The following ITPR1 variants were observed in gnomAD, a reference collection of about 807,000 sequenced individuals.
ITPR1 encodes inositol 1,4,5-trisphosphate receptor type 1, also known as inositol 1,4,5-trisphosphate-gated calcium channel ITPR1.
In ITPR1, 96 loss-of-function variants were observed where a neutral mutation model predicts 318.4. The observed-to-expected ratio is 0.30, with a 90% CI of 0.26 to 0.36. The LOEUF (loss-of-function observed/expected upper bound fraction) is 0.36. Ranked by LOEUF, ITPR1 falls within the 10% of genes least tolerant of loss-of-function variation. ITPR1 has a pLI of 1.00. For missense variants in ITPR1, 2,440 were observed against 3,460.2 expected, an observed-to-expected ratio of 0.71 and a Z score of 7.40; for synonymous variants, 1,312 against 1,289.9, an observed-to-expected ratio of 1.02 and a Z score of -0.37.
At position 4,770,689 on chromosome 3, in the gene ITPR1, T is replaced by C. The variant is rs3792503; in HGVS notation, c.5979+1925T>C. Reference sequence around the variant, plus strand: ...CAGCCATCGGTTTCCTTAGTTTTCTTGTCAGTTGCTCAGACTTTCCTCTTT... The same window carrying C: ...CAGCCATCGGTTTCCTTAGTTTTCTCGTCAGTTGCTCAGACTTTCCTCTTT... On this transcript the variant is annotated intron_variant, in intron 46 of 61. Coordinates refer to ENST00000649015, the MANE Select transcript of ITPR1 (RefSeq NM_001378452.1). Among the ~76,000 whole-genome samples the C allele has an allele frequency of 2.0e-3, 309 of 152,342 alleles. 8 individuals carry two copies. In the East Asian group the frequency reaches 0.047, roughly 23 times the overall value.
intron 44 of ITPR1, among the ~76,000 whole-genome samples, chr3:4,753,165 A>G (rs2044675325): frequency 6.6e-6 from 1 of 152,180 alleles, no homozygotes; most frequent in Admixed American, 6.5e-5. Context: ...GAAGGAAGCT[A>G]ACGCGGTCTA....
chr3:4,680,500 A>T (rs1291011363), intron 24 of ITPR1, 53 bp from the exon 25 acceptor site: 1 of 1,563,846 alleles, frequency 6.4e-7, no homozygotes, highest in Non-Finnish European at 8.8e-7. Flanking sequence ...TGGCAGAGTC[A>T]AGATGGTATG....
intron 33 of ITPR1, among the ~76,000 whole-genome samples, chr3:4,696,320 A>T (rs771202412): frequency 6.6e-6 from 1 of 152,198 alleles, no homozygotes; most frequent in African/African-American, 2.4e-5. Context: ...CTTTCTGAAT[A>T]TATGGATTTG....
intron 31 of ITPR1, 62 bp downstream of exon 31, chr3:4,688,682 A>G (rs2094435376): frequency 1.3e-6 from 2 of 1,539,390 alleles, no homozygotes; most frequent in South Asian, 1.2e-5. Flanking sequence ...AGGGAGGAGG[A>G]ACAGCTTGTT....
intron 60 of ITPR1, among the ~76,000 whole-genome samples, chr3:4,836,343 C>A (rs1408103467): frequency 6.6e-6 from 1 of 152,094 alleles, no homozygotes; most frequent in African/African-American, 2.4e-5. Flanking sequence ...GATGGTTGCA[C>A]AGCAGTGTGA....
intron 50 of ITPR1, among the ~76,000 whole-genome samples, chr3:4,783,591 G>A (rs2046975099): frequency 1.3e-5 from 2 of 152,156 alleles, no homozygotes; most frequent in Non-Finnish European, 2.9e-5. Context: ...GGGGGAAAGT[G>A]GAACCATGTG....
chr3:4,710,392 A>G lies in ITPR1; in HGVS notation c.4910A>G (p.Asp1637Gly). 1.3e-6 allele frequency: 2 copies of G among 1,563,988 alleles called. No individual in the cohort carries two copies. Among genetic ancestry groups the G allele is most frequent in the Non-Finnish European group, 1.7e-6 (2 of 1,153,270 alleles). Residue 1637 changes from aspartate to glycine, a missense_variant, in exon 38 of 62, where the codon GAT (aspartate) becomes GGT (glycine). By Grantham distance (94) the Asp-to-Gly change is moderately conservative. This residue lies in a region of ITPR1 where 166 missense variants were observed against 246.5 expected (regional missense o/e 0.67). Transcript: ENST00000649015. The surrounding 1 kb of genome is among the most constrained non-coding windows in gnomAD (Gnocchi z 4.2). ...CAGGCAGAGTTATCTGTGCTCGTGG[A>G]TGTTCTCCACAGACCCGAGCTGCTT... is the stretch of plus-strand genomic sequence containing the variant. ...LVQAELSVLVDVLHRPELLFP... is the reference protein window; with the variant it reads ...LVQAELSVLVGVLHRPELLFP...
chr3:4,702,958 A>G lies in ITPR1; in HGVS notation c.4657+8A>G, dbSNP rs1162044944. The G allele has an allele frequency of 5.0e-6, 8 of 1,613,080 alleles. No individual in the cohort carries two copies. Among genetic ancestry groups the G allele is most frequent in the African/African-American group, 4.0e-5 (3 of 74,906 alleles). On this transcript the variant is annotated splice_region_variant and intron_variant, in intron 36 of 61. Coordinates refer to ENST00000649015, the MANE Select transcript of ITPR1 (RefSeq NM_001378452.1). Reference sequence around the variant, plus strand: ...GGGTGCTGTCTGATGTAGGTAAGATACCAAGTCAGTTTGGATATACGTGAT... The same window carrying G: ...GGGTGCTGTCTGATGTAGGTAAGATGCCAAGTCAGTTTGGATATACGTGAT...
chr3:4,614,609 C>T (rs975554696), intron 4 of ITPR1, among the ~76,000 whole-genome samples: 3 of 152,196 alleles, frequency 2.0e-5, no homozygotes, highest in Admixed American at 6.5e-5. Flanking sequence ...CAACCCAGTC[C>T]GTCAGGTTCT....
At position 4,813,179 on chromosome 3, in the gene ITPR1, C is replaced by T. The variant is rs375227391; in HGVS notation, c.7506C>T (p.Ser2502=). 194 of 1,613,932 alleles carry T rather than the reference C, an allele frequency of 1.2e-4. No homozygotes were observed. Among genetic ancestry groups the T allele is most frequent in the Middle Eastern group, 3.3e-4 (2 of 6,046 alleles). ...GTTTGGCAAGCGAGTTCCTGTTCTC[C>T]GATGTGTGTAGGGTGGAGAGTGGGG... ...GESLASEFLF[S]DVCRVESGEN... is the part of the protein sequence containing the mutation. The change falls in exon 57 of 62, where the codon TCC becomes TCT. Residue 2502 remains serine, a synonymous_variant. Transcript: ENST00000649015.
intron 20 of ITPR1, 28 bp downstream of exon 20, chr3:4,670,954 T>C: frequency 2.0e-6 from 3 of 1,478,170 alleles, no homozygotes; most frequent in Non-Finnish European, 2.7e-6. Context: ...GGGGCTCAGA[T>C]TGGGGTGCCC....
intron 4 of ITPR1, among the ~76,000 whole-genome samples, chr3:4,545,939 C>T (rs1331176337): frequency 1.3e-5 from 2 of 152,068 alleles, no homozygotes; most frequent in African/African-American, 4.8e-5. Flanking sequence ...TCAAGCGATC[C>T]TCCTGCCTCA....
Position 4,779,264 on chromosome 3 carries a change from C to A in ITPR1, c.6292-286C>A, listed in dbSNP as rs1319910048. On this transcript the variant is annotated intron_variant, in intron 48 of 61. Transcript: ENST00000649015. The surrounding 1 kb of genome is among the most constrained non-coding windows in gnomAD (Gnocchi z 4.0). ...GCACCCACGTGTAAATTCCCAATTT[C>A]TTCTAGGACTTGTACCAGCTAACAT... Among the ~76,000 whole-genome samples the A allele has an allele frequency of 6.6e-6, 1 of 152,226 alleles. No individual in the cohort carries two copies. The highest frequency in any genetic ancestry group is 1.5e-5 in the Non-Finnish European group (1 of 68,030).
intron 4 of ITPR1, among the ~76,000 whole-genome samples, chr3:4,542,717 C>G (rs1404649733): frequency 6.6e-5 from 10 of 152,088 alleles, no homozygotes; most frequent in Non-Finnish European, 1.5e-4. Flanking sequence ...GCAATGGTCT[C>G]TTAGAAAACT....
chr3:4,540,017 T>A (rs995755572), intron 4 of ITPR1, among the ~76,000 whole-genome samples: 3 of 150,264 alleles, frequency 2.0e-5, no homozygotes, highest in Admixed American at 2.0e-4. Flanking sequence ...TTACTTACAG[T>A]GAATTTTACT....
intron 4 of ITPR1, among the ~76,000 whole-genome samples, chr3:4,610,646 T>A (rs890305870): frequency 6.6e-6 from 1 of 152,158 alleles, no homozygotes; most frequent in Non-Finnish European, 1.5e-5. Context: ...GTACTGAGGA[T>A]GTAGAGTTCT....
intron 2 of ITPR1, among the ~76,000 whole-genome samples, chr3:4,500,105 A>G (rs2080909353): frequency 6.6e-6 from 1 of 152,346 alleles, no homozygotes; most frequent in South Asian, 2.1e-4. Flanking sequence ...TTTCTGTATA[A>G]CAAGATGTTC....
chr3:4,802,475 C>T (rs950584393), intron 54 of ITPR1, among the ~76,000 whole-genome samples: 1 of 152,014 alleles, frequency 6.6e-6, no homozygotes, highest in Non-Finnish European at 1.5e-5. Context: ...GTTTGAGAAG[C>T]CTGAGTCTTG....
chr3:4,646,000 T>G (rs555191280), intron 10 of ITPR1: 51 of 366,578 alleles, frequency 1.4e-4, no homozygotes, highest in African/African-American at 9.7e-4. Flanking sequence ...GCTGCATATT[T>G]GTGCAGAAGG....
Sources: allele counts gnomAD v4.1 joint callset (sites outside exome capture counted in the v4.1 genomes callset), GRCh38; gene constraint gnomAD v4.1.1; regional missense constraint gnomAD v4.1.1; non-coding constraint Gnocchi (gnomAD v3.1); transcripts MANE v1.5; gene names NCBI Gene and HGNC (gene_info 2026-07-23, HGNC 2026-07-21).